Variants in EXOC5 observed in about 807,000 individuals in gnomAD.
EXOC5 encodes the protein SEC10-like 1.
In EXOC5, 17 loss-of-function variants were observed where a neutral mutation model predicts 90.8. The observed-to-expected ratio is 0.19, with a 90% CI of 0.13 to 0.28. The LOEUF (loss-of-function observed/expected upper bound fraction) is 0.28, where lower values mean the gene tolerates loss of function less well. EXOC5 is among the 10% of genes least tolerant of loss of function. EXOC5 has a pLI of 1.00. For synonymous variants in EXOC5, 260 were observed against 270.0 expected (o/e 0.96, Z 0.36); for missense variants, 569 against 830.6 (o/e 0.69, Z 3.87).
chr14:57,238,226 AC>A (rs1313755692), intron 5 of EXOC5, among the ~76,000 whole-genome samples: 1 of 10,854 alleles, frequency 9.2e-5, no homozygotes, highest in Non-Finnish European at 5.5e-4. Flanking sequence ...ATATATATAC[AC>A]ACACACACAC....
chr14:57,208,342 A>T lies in EXOC5; in HGVS notation c.*267T>A, dbSNP rs1882718906. ...TTCTAGGATAAAAACAGTGACATGT[A>T]GTTTTAGAGAATCTGAAATTTCTAC... On this transcript the variant is annotated 3_prime_UTR_variant, in exon 18 of 18. Transcript: ENST00000621441. 1 of 303,346 alleles carries T rather than the reference A, an allele frequency of 3.3e-6. No homozygotes were observed. The highest frequency in any genetic ancestry group is 6.1e-6 in the Non-Finnish European group (1 of 165,154). 18.8% of individuals were successfully genotyped at this position (303,346 alleles called of 1,614,324 possible).
chr14:57,245,243 T>C (rs915007213), intron 3 of EXOC5, among the ~76,000 whole-genome samples: 2 of 152,150 alleles, frequency 1.3e-5, no homozygotes, highest in Non-Finnish European at 2.9e-5. Context: ...AACAGTGGAA[T>C]TGCTGATAAT....
Position 57,268,635 on chromosome 14 carries a change from G to C in EXOC5, c.14C>G (p.Ala5Gly), listed in dbSNP as rs1380340562. The C allele has an allele frequency of 6.3e-7, 1 of 1,590,706 alleles. No individual in the cohort carries two copies. Among genetic ancestry groups the C allele is most frequent in the East Asian group, 2.3e-5 (1 of 43,980 alleles). ...GCCGGGGCCCACCTCGAAGAGCTCG[G>C]CCGTGGTAGCCATCCCGGCCGGCTG... MATT[A>G]ELFEEPFVAD... Residue 5 changes from alanine (A) to glycine (G), a missense_variant, in exon 1 of 18, where the codon GCC becomes GGC. By Grantham distance (60) the Ala-to-Gly change is moderately conservative. Around this residue, in one of 9 missense-constraint regions of EXOC5, gnomAD observed 22 missense variants for 16.6 expected, o/e 1.33. Transcript: ENST00000621441.
chr14:57,268,488 C>A, intron 1 of EXOC5, 134 bp downstream of exon 1: 1 of 1,524,808 alleles, frequency 6.6e-7, no homozygotes, highest in South Asian at 1.2e-5. Context: ...AGCTGCCACC[C>A]CAACCCTTCT....
rs371594546 is a variant in EXOC5 at position 57,232,968 on chromosome 14, C to T, written c.856-219G>A. 1.6e-4 allele frequency: 65 copies of T among 409,074 alleles called. No individual in the cohort carries two copies. The South Asian group carries it at 2.5e-3, about 16-fold the overall frequency. The allele number at this position is 409,074 out of a possible 1,614,324, so 25.3% of individuals were successfully genotyped here. On this transcript the variant is annotated intron_variant, in intron 9 of 17. Transcript: ENST00000621441. ...ATATTTACCTGTAGAGGATCTTTAT[C>T]AGTCTTAGGAATAATACCTTTTCTG...
Position 57,200,787 on chromosome 14 carries a change from AAT to A in EXOC5, c.*7820_*7821del, listed in dbSNP as rs757324016. On this transcript the variant is annotated 3_prime_UTR_variant, in exon 18 of 18. Transcript: ENST00000621441. ...AAAAAAAAAAAAAACTTCCACCAAA[AAT>A]ATAGTTGTTTCTGCGTGATAAAATT... 5.3e-5 allele frequency: 8 copies of A among 151,948 alleles called. No individual in the cohort carries two copies. The East Asian group carries it at 9.6e-4, about 18-fold the overall frequency. 9.4% of individuals were successfully genotyped at this position (151,948 alleles called of 1,614,324 possible).
chr14:57,214,850 A>G (rs954337176), intron 15 of EXOC5, among the ~76,000 whole-genome samples: 8 of 152,196 alleles, frequency 5.3e-5, no homozygotes, highest in Admixed American at 4.6e-4. Context: ...TTGGCATAAG[A>G]TGAAGAGATT....
Position 57,246,855 on chromosome 14 carries a change from T to A in EXOC5, c.126A>T (p.Leu42Phe). ...GGPEAFDPKR[L>F]LEEFVNHIQE... ...GAATATGATTTACAAATTCTTCTAATAATCTAACAGAGGAAAGTTTGAATA... is the reference window on the plus strand; with the variant it reads ...GAATATGATTTACAAATTCTTCTAAAAATCTAACAGAGGAAAGTTTGAATA... Residue 42 changes from leucine (L) to phenylalanine (F), a missense_variant, in exon 3 of 18, where the codon TTA becomes TTT. Around this residue, in one of 9 missense-constraint regions of EXOC5, gnomAD observed 45 missense variants for 44.6 expected, o/e 1.01. Coordinates refer to ENST00000621441, the MANE Select transcript of EXOC5 (RefSeq NM_006544.4). 6.4e-7 allele frequency: 1 copy of A among 1,563,448 alleles called. No homozygotes were observed. The highest frequency in any genetic ancestry group is 8.7e-7 in the Non-Finnish European group (1 of 1,143,134).
chr14:57,233,144 A>G (rs191755902), intron 9 of EXOC5: 9 of 156,962 alleles, frequency 5.7e-5, no homozygotes, highest in African/African-American at 1.9e-4. Context: ...TTACTCCAAA[A>G]CAGGGTTTCT....
intron 15 of EXOC5, among the ~76,000 whole-genome samples, chr14:57,211,248 G>C (rs1416666296): frequency 6.6e-6 from 1 of 152,150 alleles, no homozygotes; most frequent in Non-Finnish European, 1.5e-5. Flanking sequence ...CCTTGATTTG[G>C]AACCATTTTG....
chr14:57,245,827 C>T (rs868591565), intron 3 of EXOC5, among the ~76,000 whole-genome samples: 1 of 151,920 alleles, frequency 6.6e-6, no homozygotes, highest in African/African-American at 2.4e-5. Flanking sequence ...CCGAGGCAGG[C>T]GGATCACCTG....
At chr14:57,254,497 T>C (rs1437876685) in intron 1 of EXOC5, among the ~76,000 whole-genome samples, 1 of 150,470 alleles carries the variant, frequency 6.6e-6, no homozygotes, top group Non-Finnish European at 1.5e-5. Context: ...AAAACTACCA[T>C]GAGATGCCAC....
Position 57,249,787 on chromosome 14 carries a change from T to C in EXOC5, c.28-2075A>G, listed in dbSNP as rs1002813386. On this transcript the variant is annotated intron_variant, in intron 1 of 17. Transcript: ENST00000621441. ...GATGATGATTTACTTATTTATTTTT[T>C]TGAGACTGAGTTTCGCTCTTGTTGC... Among the ~76,000 whole-genome samples the C allele has an allele frequency of 3.3e-5, 5 of 152,272 alleles. No homozygotes were observed. The South Asian group carries it at 6.2e-4, about 19-fold the overall frequency.
intron 1 of EXOC5, among the ~76,000 whole-genome samples, chr14:57,257,374 A>C (rs1330924152): frequency 6.6e-6 from 1 of 152,196 alleles, no homozygotes; most frequent in African/African-American, 2.4e-5. Flanking sequence ...TAGATGGAAA[A>C]ACAAATTTTT....
At chr14:57,266,735 G>GTATATA (rs10550570) in intron 1 of EXOC5, among the ~76,000 whole-genome samples, 5 of 146,450 alleles carry the variant, frequency 3.4e-5, no homozygotes, top group Non-Finnish European at 6.0e-5. Context: ...GTGTGTGTGT[G>GTATATA]TATATATATA....
chr14:57,202,948 A>T lies in EXOC5; in HGVS notation c.*5661T>A, dbSNP rs1278861232. The stretch of plus-strand genomic sequence containing the variant: ...GAGAACTTAAGAGAGGCACTTAGGT[A>T]TTATTCCTTATAAAATATTTTCACA... On this transcript the variant is annotated 3_prime_UTR_variant, in exon 18 of 18. Transcript: ENST00000621441. 6.6e-6 allele frequency: 1 copy of T among 152,204 alleles called. No individual in the cohort carries two copies. Among genetic ancestry groups the T allele is most frequent in the Non-Finnish European group, 1.5e-5 (1 of 68,042 alleles). 9.4% of individuals were successfully genotyped at this position (152,204 alleles called of 1,614,324 possible). A position where few individuals can be genotyped will look rare whatever the true frequency, so the allele number is the denominator to read the frequency against.
intron 1 of EXOC5, among the ~76,000 whole-genome samples, chr14:57,259,185 G>A (rs150186358): frequency 1.3e-5 from 2 of 151,206 alleles, no homozygotes; most frequent in Non-Finnish European, 1.5e-5. Context: ...TCTCGGCTCC[G>A]CCTCCTGGGT....
intron 1 of EXOC5, among the ~76,000 whole-genome samples, chr14:57,248,035 G>A (rs1306041536): frequency 6.6e-6 from 1 of 150,436 alleles, no homozygotes; most frequent in African/African-American, 2.4e-5. Flanking sequence ...TATTTTTAAT[G>A]TACAGCCTTA....
intron 15 of EXOC5, among the ~76,000 whole-genome samples, chr14:57,210,853 AAAC>A (rs1265676105): frequency 1.3e-5 from 2 of 152,220 alleles, no homozygotes; most frequent in Non-Finnish European, 2.9e-5. Flanking sequence ...TTTGCCTGTT[AAAC>A]AACAACAATG....
Sources: allele counts gnomAD v4.1 joint callset (sites outside exome capture counted in the v4.1 genomes callset), GRCh38; gene constraint gnomAD v4.1.1; regional missense constraint gnomAD v4.1.1; transcripts MANE v1.5; gene names NCBI Gene and HGNC (gene_info 2026-07-23, HGNC 2026-07-21).